KRT8: variants seen among roughly 807,000 people sequenced by gnomAD.
KRT8 encodes keratin, type II cytoskeletal 8.
In KRT8, 24 loss-of-function variants were observed where a neutral mutation model predicts 43.0. That is an observed-to-expected ratio of 0.56 (90% CI 0.40 to 0.78). The LOEUF (loss-of-function observed/expected upper bound fraction) is 0.78. Among genes scored for constraint, KRT8 ranks in the 30% least tolerant of loss-of-function variants. The pLI is 0.00. For missense variants in KRT8, 492 were observed against 638.4 expected (o/e 0.77, Z 2.47); for synonymous variants, 214 against 261.2 (o/e 0.82, Z 1.74).
chr12:52,918,180 G>GAAGAAGAAGAAGAAGAAGGAGAAGGA, intron 2 of KRT8, among the ~76,000 whole-genome samples: 12 of 73,818 alleles, frequency 1.6e-4, no homozygotes, highest in African/African-American at 7.2e-4. Context: ...AAGAGGAAGA[G>GAAGAAGAAGAAGAAGAAGGAGAAGGA]GAAGAAGAAG....
chr12:52,908,446 G>A (rs533943676), upstream of KRT8, among the ~76,000 whole-genome samples: 7 of 152,218 alleles, frequency 4.6e-5, no homozygotes, highest in East Asian at 1.4e-3. Flanking sequence ...TCTTTAATGT[G>A]GCATATCCAT....
chr12:52,906,122 A>T (rs1316535602), upstream of KRT8, among the ~76,000 whole-genome samples: 1 of 152,154 alleles, frequency 6.6e-6, no homozygotes, highest in Non-Finnish European at 1.5e-5. Context: ...ACTTTTCCTG[A>T]ACATAACCCA....
At chr12:52,924,739 A>G (rs1331419826) in intron 2 of KRT8, among the ~76,000 whole-genome samples, 2 of 152,160 alleles carry the variant, frequency 1.3e-5, no homozygotes, top group Admixed American at 1.3e-4. Flanking sequence ...AAGACCATGC[A>G]CTCTTCTCTA....
intron 2 of KRT8, among the ~76,000 whole-genome samples, chr12:52,941,739 C>T (rs2120734196): frequency 6.6e-6 from 1 of 152,220 alleles, no homozygotes; most frequent in South Asian, 2.1e-4. Flanking sequence ...CCGCCCGCCT[C>T]AGCCTCCCAA....
At chr12:52,911,205 A>G (rs1217935796), upstream of KRT8, among the ~76,000 whole-genome samples, 1 of 152,174 alleles carries the variant, frequency 6.6e-6, no homozygotes, top group Non-Finnish European at 1.5e-5. Context: ...TACAGAAATT[A>G]GCCGGGCGTG....
intron 2 of KRT8, among the ~76,000 whole-genome samples, chr12:52,942,194 A>G (rs1409148169): frequency 6.6e-6 from 1 of 152,178 alleles, no homozygotes; most frequent in Non-Finnish European, 1.5e-5. Flanking sequence ...AGGAGGAGGC[A>G]CACTTAACAA....
chr12:52,914,529 C>T (rs903596091), intron 2 of KRT8, among the ~76,000 whole-genome samples: 9 of 152,250 alleles, frequency 5.9e-5, no homozygotes, highest in Middle Eastern at 3.4e-3. Context: ...AACAGTGAAA[C>T]TCCGTCTCAA....
intron 2 of KRT8, among the ~76,000 whole-genome samples, chr12:52,934,014 G>A (rs1942126214): frequency 1.3e-5 from 2 of 151,668 alleles, no homozygotes; most frequent in South Asian, 4.2e-4. Context: ...TGGATCACAA[G>A]GTCAGGAGTT....
chr12:52,923,100 T>C (rs1240809275), intron 2 of KRT8, among the ~76,000 whole-genome samples: 1 of 152,162 alleles, frequency 6.6e-6, no homozygotes, highest in Admixed American at 6.6e-5. Context: ...CCTCACATCA[T>C]TGCACTTCTG....
chr12:52,902,464 G>A (rs953748318), intron 1 of KRT8, among the ~76,000 whole-genome samples: 2 of 152,048 alleles, frequency 1.3e-5, no homozygotes, highest in African/African-American at 4.8e-5. Flanking sequence ...TGCAAGCTCC[G>A]CCTCCCAAGT....
At chr12:52,949,081 A>G in intron 2 of KRT8, 1 of 1,202,676 alleles carries the variant, frequency 8.3e-7, no homozygotes, top group South Asian at 1.2e-5. Flanking sequence ...GCGGGGCCTC[A>G]CTCTGCGATA....
intron 2 of KRT8, among the ~76,000 whole-genome samples, chr12:52,923,377 T>C (rs1332245227): frequency 2.0e-5 from 3 of 152,182 alleles, no homozygotes; most frequent in African/African-American, 7.2e-5. Flanking sequence ...GCCTCATCTA[T>C]ATAATGAAGG....
intron 1 of KRT8, among the ~76,000 whole-genome samples, chr12:52,904,222 T>C (rs1941454220): frequency 6.6e-6 from 1 of 152,074 alleles, no homozygotes; most frequent in Non-Finnish European, 1.5e-5. Context: ...AGGAGGGTAG[T>C]CCCCGAACAG....
intron 7 of KRT8, 39 bp downstream of exon 7, chr12:52,898,422 C>T (rs1374063109): frequency 6.3e-7 from 1 of 1,592,270 alleles, no homozygotes; most frequent in South Asian, 1.1e-5. Flanking sequence ...TCCCTGGGCC[C>T]TGCCTCCCGC....
intron 2 of KRT8, among the ~76,000 whole-genome samples, chr12:52,920,801 G>T (rs1592176374): frequency 6.6e-6 from 1 of 152,186 alleles, no homozygotes; most frequent in Non-Finnish European, 1.5e-5. Context: ...CAGTACTTTG[G>T]AAGGCCAAGG....
At chr12:52,941,231 T>G (rs1280992023) in intron 2 of KRT8, among the ~76,000 whole-genome samples, 1 of 151,546 alleles carries the variant, frequency 6.6e-6, no homozygotes, top group Non-Finnish European at 1.5e-5. Context: ...CACGCCCGTC[T>G]ATAAATCTAA....
At chr12:52,920,264 A>G (rs1356866752) in intron 2 of KRT8, among the ~76,000 whole-genome samples, 1 of 152,190 alleles carries the variant, frequency 6.6e-6, no homozygotes, top group Non-Finnish European at 1.5e-5. Context: ...CTCCTACAGT[A>G]GGGATTCTGG....
At chr12:52,904,535 G>T in intron 1 of KRT8, 123 bp downstream of exon 1, 1 of 905,320 alleles carries the variant, frequency 1.1e-6, no homozygotes, top group Non-Finnish European at 1.8e-6. Flanking sequence ...GGAAGGGAGA[G>T]TGTCGCCAGG....
At chr12:52,922,987 C>T (rs1941918369) in intron 2 of KRT8, among the ~76,000 whole-genome samples, 1 of 152,130 alleles carries the variant, frequency 6.6e-6, no homozygotes, top group Non-Finnish European at 1.5e-5. Flanking sequence ...GGAGCTTCCC[C>T]GCTGATCTGG....
Sources: allele counts gnomAD v4.1 joint callset (sites outside exome capture counted in the v4.1 genomes callset), GRCh38; gene constraint gnomAD v4.1.1; transcripts MANE v1.5; gene names NCBI Gene and HGNC (gene_info 2026-07-23, HGNC 2026-07-21).